Variants in COL11A1 observed in about 807,000 individuals in gnomAD.
The protein encoded by COL11A1 is collagen type XI alpha 1 chain.
COL11A1 carries 74 observed loss-of-function variants against 265.2 expected under a neutral mutation model. That is an observed-to-expected ratio of 0.28 (90% confidence interval 0.23 to 0.34). COL11A1 has a LOEUF of 0.34. Ranked by LOEUF, COL11A1 falls within the 10% of genes least tolerant of loss-of-function variation. The pLI is 1.00. For missense variants in COL11A1, 2,165 were observed against 2,263.6 expected, an observed-to-expected ratio of 0.96 and a Z score of 0.88; for synonymous variants, 816 against 727.6, an observed-to-expected ratio of 1.12 and a Z score of -1.96.
intron 63 of COL11A1, among the ~76,000 whole-genome samples, chr1:102,883,832 A>G (rs1024711644): frequency 1.3e-5 from 2 of 152,090 alleles, no homozygotes; most frequent in African/African-American, 4.8e-5. Context: ...TTCTTGCAAT[A>G]AATGTACTCT....
At chr1:102,924,574 GAA>G (rs1656370743) in intron 46 of COL11A1, among the ~76,000 whole-genome samples, 1 of 152,134 alleles carries the variant, frequency 6.6e-6, no homozygotes, top group Non-Finnish European at 1.5e-5. Flanking sequence ...AACTGTTTAG[GAA>G]CTAGCAGAGG....
At chr1:103,064,275 G>A (rs770702836) in intron 4 of COL11A1, among the ~76,000 whole-genome samples, 5 of 152,072 alleles carry the variant, frequency 3.3e-5, no homozygotes, top group Non-Finnish European at 1.5e-5. Flanking sequence ...TTTATTCATA[G>A]TTTCCAAAAT....
rs780041986 is a variant in COL11A1 at position 102,965,490 on chromosome 1, T to C, written c.2913A>G (p.Pro971=). The C allele has an allele frequency of 8.1e-6, 13 of 1,613,524 alleles. No homozygotes were observed. The highest frequency in any genetic ancestry group is 1.7e-5 in the Admixed American group (1 of 60,022). The change falls in exon 38 of 67, where the codon CCA becomes CCG. Residue 971 remains proline, a synonymous_variant. Coordinates refer to ENST00000370096, the MANE Select transcript of COL11A1 (RefSeq NM_001854.4). ...GPPGPGGVVG[P]QGPTGETGPI... Reference sequence around the variant, plus strand: ...GAAATAAAGCAAAGGAACATACCTGTGGTCCAACCACTCCCCCTGGCCCAG... The same window carrying C: ...GAAATAAAGCAAAGGAACATACCTGCGGTCCAACCACTCCCCCTGGCCCAG...
At chr1:103,002,678 A>G (rs951926443) in intron 22 of COL11A1, 69 bp downstream of exon 22, 4 of 1,364,316 alleles carry the variant, frequency 2.9e-6, no homozygotes, top group East Asian at 2.3e-5. Context: ...TTTTAGATTT[A>G]ACAACAAAAA....
At chr1:102,937,064 T>C (rs1658222279) in intron 44 of COL11A1, among the ~76,000 whole-genome samples, 1 of 152,188 alleles carries the variant, frequency 6.6e-6, no homozygotes, top group Admixed American at 6.6e-5. Flanking sequence ...TATATATTTT[T>C]ATTTGCAAAA....
chr1:102,920,178 A>G, intron 49 of COL11A1, 133 bp downstream of exon 49: 3 of 876,214 alleles, frequency 3.4e-6, no homozygotes, highest in Non-Finnish European at 3.8e-6. Flanking sequence ...TGCAACTACT[A>G]GATGACATGT....
intron 4 of COL11A1, among the ~76,000 whole-genome samples, chr1:103,045,792 C>T (rs983464688): frequency 6.7e-6 from 1 of 148,942 alleles, no homozygotes. Context: ...CAACAGTCCC[C>T]GGTGTGTGAC....
chr1:102,878,665 C>A (rs918240335), intron 66 of COL11A1, among the ~76,000 whole-genome samples: 1 of 151,194 alleles, frequency 6.6e-6, no homozygotes, highest in East Asian at 2.0e-4. Flanking sequence ...CATGTGCCAC[C>A]ATGCCCAGCT....
At position 103,086,055 on chromosome 1, in the gene COL11A1, A is replaced by G. The variant is rs1276336913; in HGVS notation, c.107-3083T>C. ...ACCCCAAAATAAAAACTCTGCAAAAATAAACTTAAAACATACATATAATAT... is the reference window on the plus strand; with the variant it reads ...ACCCCAAAATAAAAACTCTGCAAAAGTAAACTTAAAACATACATATAATAT... On this transcript the variant is annotated intron_variant, in intron 1 of 66. Transcript: ENST00000370096. Among the ~76,000 whole-genome samples, 3 of 151,790 alleles carry G rather than the reference A, an allele frequency of 2.0e-5. No individual in the cohort carries two copies. The East Asian group carries it at 5.8e-4, about 29-fold the overall frequency.
In COL11A1 at chr1:103,013,801, A is replaced by C. The variant is rs190377136; in HGVS notation, c.1572+710T>G. Among the ~76,000 whole-genome samples, 31 of 152,016 alleles carry C rather than the reference A, an allele frequency of 2.0e-4. No homozygotes were observed. In the East Asian group the frequency reaches 5.4e-3, roughly 27 times the overall value. On this transcript the variant is annotated intron_variant, in intron 13 of 66. Transcript: ENST00000370096. ...AAATCCTTTATTTCCTTCTTCCTTA[A>C]AAAGAAAACCAATACTATGAATAAA...
At chr1:102,997,236 C>T (rs1664717554) in intron 25 of COL11A1, 112 bp from the exon 26 acceptor site, 2 of 1,034,710 alleles carry the variant, frequency 1.9e-6, no homozygotes. Flanking sequence ...CTTTAAGTTT[C>T]AAAAACATTG....
chr1:103,091,000 C>A (rs897466664), intron 1 of COL11A1, among the ~76,000 whole-genome samples: 54 of 152,202 alleles, frequency 3.5e-4, no homozygotes, highest in African/African-American at 1.3e-3. Flanking sequence ...TGGAATTTAG[C>A]TTAAGCAACC....
chr1:103,010,138 T>C (rs1156832355), intron 14 of COL11A1, among the ~76,000 whole-genome samples: 1 of 152,170 alleles, frequency 6.6e-6, no homozygotes, highest in Admixed American at 6.5e-5. Context: ...TATGATACAG[T>C]CCTCCATTTG....
chr1:102,888,945 A>T, intron 59 of COL11A1, 26 bp from the exon 60 acceptor site: 2 of 1,596,250 alleles, frequency 1.3e-6, no homozygotes, highest in Non-Finnish European at 1.7e-6. Context: ...GCCAATTTAA[A>T]GGGATTTTCT....
At chr1:103,083,031 A>T (rs1031558562) in intron 1 of COL11A1, 59 bp from the exon 2 acceptor site, 2 of 1,505,030 alleles carry the variant, frequency 1.3e-6, no homozygotes, top group Non-Finnish European at 1.8e-6. Context: ...TATAACAATG[A>T]GTATTTTTAA....
chr1:103,061,568 G>A (rs149982244), intron 4 of COL11A1, among the ~76,000 whole-genome samples: 41 of 151,972 alleles, frequency 2.7e-4, no homozygotes, highest in African/African-American at 8.9e-4. Context: ...GTAACAGAAA[G>A]ATAACTGGGA....
intron 5 of COL11A1, 80 bp downstream of exon 5, chr1:103,031,036 A>G (rs775251072): frequency 5.4e-6 from 8 of 1,476,586 alleles, no homozygotes; most frequent in African/African-American, 1.4e-5. Flanking sequence ...AATGGAATAA[A>G]TAAGTATAAG....
chr1:103,096,779 C>T (rs967061702), intron 1 of COL11A1, among the ~76,000 whole-genome samples: 1 of 151,874 alleles, frequency 6.6e-6, no homozygotes, highest in Non-Finnish European at 1.5e-5. Flanking sequence ...ATCATGACCT[C>T]ATATATTAAT....
At chr1:103,092,069 T>C (rs1381774903) in intron 1 of COL11A1, among the ~76,000 whole-genome samples, 3 of 152,056 alleles carry the variant, frequency 2.0e-5, no homozygotes, top group African/African-American at 7.2e-5. Flanking sequence ...TAAAAATACA[T>C]AGTAAAATAT....
Sources: allele counts gnomAD v4.1 joint callset (sites outside exome capture counted in the v4.1 genomes callset), GRCh38; gene constraint gnomAD v4.1.1; transcripts MANE v1.5; gene names NCBI Gene and HGNC (gene_info 2026-07-23, HGNC 2026-07-21).